Variants in ALK observed in about 807,000 individuals in gnomAD.
ALK encodes the protein ALK tyrosine kinase receptor.
In ALK, 74 loss-of-function variants were observed where a neutral mutation model predicts 163.1. That is an observed-to-expected ratio of 0.45 (90% CI 0.38 to 0.55). The LOEUF (loss-of-function observed/expected upper bound fraction) is 0.55. Ranked by LOEUF, ALK falls within the 20% of genes least tolerant of loss-of-function variation. The pLI, the probability that ALK is intolerant of heterozygous loss-of-function variation, is 0.00. For missense variants in ALK, 2,063 were observed against 2,105.3 expected, an observed-to-expected ratio of 0.98 and a Z score of 0.39; for synonymous variants, 960 against 843.2, an observed-to-expected ratio of 1.14 and a Z score of -2.40.
chr2:29,298,880 C>G (rs1666281339), intron 8 of ALK, among the ~76,000 whole-genome samples: 2 of 152,258 alleles, frequency 1.3e-5, no homozygotes, highest in African/African-American at 4.8e-5. Flanking sequence ...AGTTACTGCC[C>G]TCCTTTCCCT....
chr2:29,404,425 A>G (rs1428292250), intron 4 of ALK, among the ~76,000 whole-genome samples: 3 of 152,250 alleles, frequency 2.0e-5, no homozygotes, highest in African/African-American at 7.2e-5. Flanking sequence ...TTGATATACA[A>G]GATGACTTTA....
At chr2:29,806,949 G>A (rs967530068) in intron 1 of ALK, among the ~76,000 whole-genome samples, 13 of 152,174 alleles carry the variant, frequency 8.5e-5, no homozygotes, top group African/African-American at 2.4e-4. Context: ...AGATGTGTGC[G>A]CACATGTGCA....
At chr2:29,899,853 A>G (rs1667367648) in intron 1 of ALK, 1 of 152,616 alleles carries the variant, frequency 6.6e-6, no homozygotes, top group African/African-American at 2.4e-5. Flanking sequence ...AAAAGAAAGA[A>G]AGAGAAAAAA....
At chr2:29,770,229 C>G (rs1446463744) in intron 1 of ALK, among the ~76,000 whole-genome samples, 1 of 152,204 alleles carries the variant, frequency 6.6e-6, no homozygotes. Flanking sequence ...AAACTCTTTC[C>G]CCATTGGATT....
intron 11 of ALK, among the ~76,000 whole-genome samples, chr2:29,251,764 A>G (rs1283487406): frequency 6.6e-6 from 1 of 152,240 alleles, no homozygotes; most frequent in African/African-American, 2.4e-5. Context: ...CCAAAGGCTC[A>G]GCATTGCCTA....
intron 3 of ALK, among the ~76,000 whole-genome samples, chr2:29,540,594 A>ATTTT (rs772220187): frequency 6.0e-4 from 31 of 51,602 alleles, no homozygotes; most frequent in Middle Eastern, 0.01. Context: ...TTTTTTTTTA[A>ATTTT]AAAAAAAAAA....
chr2:29,796,342 A>C (rs1664310839), intron 1 of ALK, among the ~76,000 whole-genome samples: 1 of 152,138 alleles, frequency 6.6e-6, no homozygotes, highest in African/African-American at 2.4e-5. Context: ...AGCCAATTTC[A>C]CTCTGGGAGG....
intron 4 of ALK, among the ~76,000 whole-genome samples, chr2:29,396,571 G>C (rs1669309126): frequency 6.6e-6 from 1 of 152,124 alleles, no homozygotes; most frequent in South Asian, 2.1e-4. Context: ...CTACTCTGGA[G>C]GCTGAGGCAG....
rs1664669086 is a variant in ALK, at chr2:29,246,320, A to G, written c.2204+4785T>C. ...TGTGGCAGGCCACCCGTGGGCTCTCACTGAGTCCCCCAACAGCCCTCTCAG... is the reference window on the plus strand; with the variant it reads ...TGTGGCAGGCCACCCGTGGGCTCTCGCTGAGTCCCCCAACAGCCCTCTCAG... On this transcript the variant is annotated intron_variant, in intron 12 of 28. Transcript: ENST00000389048. The surrounding 1 kb of genome is among the most constrained non-coding windows in gnomAD (Gnocchi z 4.3). Among the ~76,000 whole-genome samples the G allele has an allele frequency of 6.6e-6, 1 of 152,104 alleles. No homozygotes were observed. Among genetic ancestry groups the G allele is most frequent in the Admixed American group, 6.5e-5 (1 of 15,286 alleles).
At chr2:29,816,101 T>C (rs1428323921) in intron 1 of ALK, among the ~76,000 whole-genome samples, 2 of 152,220 alleles carry the variant, frequency 1.3e-5, no homozygotes, top group Non-Finnish European at 2.9e-5. Context: ...ATGAATCTGC[T>C]GTGATTACTG....
intron 25 of ALK, among the ~76,000 whole-genome samples, chr2:29,208,618 A>G (rs12466995): frequency 0.4 from 61,337 of 152,062 alleles, 14,976 homozygotes; most frequent in East Asian, 0.8. Flanking sequence ...CCGTGGTAAC[A>G]TGATGGCCTC....
intron 11 of ALK, among the ~76,000 whole-genome samples, chr2:29,263,931 CA>C: frequency 6.6e-6 from 1 of 152,228 alleles, no homozygotes; most frequent in Non-Finnish European, 1.5e-5. Flanking sequence ...GATCCTACTT[CA>C]ACCTCAATGG....
intron 3 of ALK, among the ~76,000 whole-genome samples, chr2:29,608,161 A>T (rs922261544): frequency 6.6e-6 from 1 of 152,066 alleles, no homozygotes; most frequent in East Asian, 1.9e-4. Flanking sequence ...TATAAAGAAC[A>T]CCCGCATGCC....
rs147846136 is a variant in ALK at position 29,887,666 on chromosome 2, C to T, written c.667+32327G>A. 2.1e-3 allele frequency among the ~76,000 whole-genome samples: 314 copies of T among 152,272 alleles called. 2 individuals carry two copies. Among genetic ancestry groups the T allele is most frequent in the African/African-American group, 7.3e-3 (305 of 41,550 alleles). Reference sequence around the variant, plus strand: ...CCTGAGGGTTGGGCCTTGGATTCTACATTTTTAACAGATTCCCAAGTGATG... The same window carrying T: ...CCTGAGGGTTGGGCCTTGGATTCTATATTTTTAACAGATTCCCAAGTGATG... On this transcript the variant is annotated intron_variant, in intron 1 of 28. Coordinates refer to ENST00000389048, the MANE Select transcript of ALK (RefSeq NM_004304.5).
chr2:29,226,992 A>T lies in ALK; in HGVS notation c.2997T>A (p.Pro999=), dbSNP rs2148178500. Residue 999 remains proline, a synonymous_variant, in exon 18 of 29, where the codon CCT becomes CCA. Coordinates refer to ENST00000389048, the MANE Select transcript of ALK (RefSeq NM_004304.5). The part of the protein sequence containing the change: ...HCEVDECHMD[P]ESHKVICFCD... ...AGAAGCAGATGACCTTGTGGCTTTC[A>T]GGGTCCATGTGACATTCGTCTACCT... The T allele has an allele frequency of 6.2e-7, 1 of 1,614,162 alleles. No individual in the cohort carries two copies. The highest frequency in any genetic ancestry group is 8.5e-7 in the Non-Finnish European group (1 of 1,180,030).
At chr2:29,878,989 T>C (rs1230653944) in intron 1 of ALK, among the ~76,000 whole-genome samples, 1 of 152,100 alleles carries the variant, frequency 6.6e-6, no homozygotes, top group Non-Finnish European at 1.5e-5. Context: ...ACCCACACAG[T>C]ATGCAGGCAA....
chr2:29,431,341 C>T (rs1670267854), intron 4 of ALK, among the ~76,000 whole-genome samples: 2 of 152,142 alleles, frequency 1.3e-5, no homozygotes, highest in Admixed American at 1.3e-4. Flanking sequence ...CCACAGTGTG[C>T]AAGACAGAAC....
At chr2:29,757,417 C>T (rs1233567244) in intron 1 of ALK, among the ~76,000 whole-genome samples, 2 of 152,182 alleles carry the variant, frequency 1.3e-5, no homozygotes, top group Non-Finnish European at 2.9e-5. Context: ...GATACGAACC[C>T]AGGCAGTGTG....
chr2:29,783,273 T>C (rs746790783), intron 1 of ALK, among the ~76,000 whole-genome samples: 1 of 152,228 alleles, frequency 6.6e-6, no homozygotes, highest in Non-Finnish European at 1.5e-5. Context: ...TTCTCTTGGA[T>C]GGAACACAGT....
Sources: gnomAD v4.1 joint callset for allele counts (sites outside exome capture counted in the v4.1 genomes callset) on GRCh38, gnomAD v4.1.1 for gene constraint, Gnocchi (gnomAD v3.1) non-coding constraint, MANE v1.5 for transcripts, NCBI Gene and HGNC (gene_info 2026-07-23, HGNC 2026-07-21) for gene names.